The following ADGRB3 variants were observed in gnomAD, a reference collection of about 807,000 sequenced individuals.
The protein encoded by ADGRB3 is brain-specific angiogenesis inhibitor 3.
Under a neutral mutation model 193.4 loss-of-function variants are expected in ADGRB3, and 37 were observed. The ratio of observed to expected loss-of-function variants is 0.19; its 90% CI spans 0.15 to 0.25. ADGRB3 has a LOEUF of 0.25. Ranked by LOEUF, ADGRB3 falls within the 10% of genes least tolerant of loss-of-function variation. The pLI, the probability that ADGRB3 is intolerant of heterozygous loss-of-function variation, is 1.00. For missense variants in ADGRB3, 1,637 were observed against 1,852.9 expected (o/e 0.88, Z 2.14); for synonymous variants, 690 against 644.2 (o/e 1.07, Z -1.08).
intron 17 of ADGRB3, among the ~76,000 whole-genome samples, chr6:69,116,885 A>C (rs1773546200): frequency 6.6e-6 from 1 of 152,214 alleles, no homozygotes; most frequent in Admixed American, 6.5e-5. Context: ...AGTGCCTGCC[A>C]ACGGGGACTC....
intron 17 of ADGRB3, among the ~76,000 whole-genome samples, chr6:69,114,153 TC>T (rs1031730344): frequency 2.6e-4 from 40 of 152,308 alleles, no homozygotes; most frequent in African/African-American, 9.1e-4. Flanking sequence ...CCTAAGTCCT[TC>T]ACATTTAAGC....
intron 3 of ADGRB3, among the ~76,000 whole-genome samples, chr6:68,904,882 T>G (rs1417554531): frequency 2.6e-5 from 4 of 152,208 alleles, no homozygotes; most frequent in African/African-American, 9.6e-5. Context: ...GAAGCTTTAT[T>G]ATGATTTTCA....
Position 69,332,991 on chromosome 6 carries a change from G to T in ADGRB3, c.3171G>T (p.Lys1057Asn), listed in dbSNP as rs775608160. The change falls in exon 24 of 32, where the codon AAG becomes AAT. Residue 1057 changes from lysine to asparagine, a missense_variant. Coordinates refer to ENST00000370598, the MANE Select transcript of ADGRB3 (RefSeq NM_001704.3). ...LVSRDGILDKKLKHRAGQMSE... is the reference protein window; with the variant it reads ...LVSRDGILDKNLKHRAGQMSE... ...CCAGAGATGGAATCCTAGATAAAAA[G>T]CTCAAACACAGAGCCGGGTAAGCTG... is the stretch of plus-strand genomic sequence containing the variant. The T allele has an allele frequency of 6.2e-7, 1 of 1,613,730 alleles. No individual in the cohort carries two copies. Among genetic ancestry groups the T allele is most frequent in the Admixed American group, 1.7e-5 (1 of 59,966 alleles).
chr6:68,867,730 G>A (rs1407369138), intron 3 of ADGRB3, among the ~76,000 whole-genome samples: 1 of 152,182 alleles, frequency 6.6e-6, no homozygotes, highest in Non-Finnish European at 1.5e-5. Context: ...GCCAATCTTT[G>A]TATCCGCATG....
At chr6:69,002,240 G>C (rs1198711922) in intron 11 of ADGRB3, among the ~76,000 whole-genome samples, 2 of 114,828 alleles carry the variant, frequency 1.7e-5, no homozygotes, top group African/African-American at 6.6e-5. Context: ...TTTTTTTTTT[G>C]ATGGAGTTTT....
chr6:69,046,175 C>T (rs1206168822), intron 13 of ADGRB3, among the ~76,000 whole-genome samples: 9 of 151,960 alleles, frequency 5.9e-5, no homozygotes, highest in African/African-American at 1.5e-4. Context: ...ACCTCAGGGT[C>T]GAATAATGTA....
intron 3 of ADGRB3, among the ~76,000 whole-genome samples, chr6:68,808,564 G>A (rs1180804952): frequency 6.6e-6 from 1 of 151,944 alleles, no homozygotes; most frequent in Admixed American, 6.6e-5. Flanking sequence ...GCTATGAATG[G>A]ATAAAATGGA....
chr6:68,926,702 T>G (rs993166087), intron 3 of ADGRB3, among the ~76,000 whole-genome samples: 1 of 152,190 alleles, frequency 6.6e-6, no homozygotes, highest in Admixed American at 6.5e-5. Flanking sequence ...TGTGCTTGTC[T>G]GTATGTTTAA....
At chr6:69,293,100 C>A (rs933822484) in intron 20 of ADGRB3, among the ~76,000 whole-genome samples, 1 of 152,200 alleles carries the variant, frequency 6.6e-6, no homozygotes, top group Admixed American at 6.5e-5. Flanking sequence ...CCAACATTTG[C>A]AGGCCCCAGG....
At chr6:69,083,197 G>A (rs1050651706) in intron 17 of ADGRB3, among the ~76,000 whole-genome samples, 12 of 152,212 alleles carry the variant, frequency 7.9e-5, no homozygotes, top group African/African-American at 2.7e-4. Flanking sequence ...CAGCATGCCT[G>A]TAGAGAGTGC....
intron 3 of ADGRB3, among the ~76,000 whole-genome samples, chr6:68,810,186 C>T (rs780022157): frequency 5.3e-5 from 8 of 152,142 alleles, no homozygotes; most frequent in Non-Finnish European, 1.0e-4. Context: ...AGCTACTTTA[C>T]TCCTGGTATT....
chr6:68,861,569 AAAAT>A (rs988376729), intron 3 of ADGRB3, among the ~76,000 whole-genome samples: 3 of 152,072 alleles, frequency 2.0e-5, no homozygotes, highest in South Asian at 2.1e-4. Context: ...CTCCAAAAAA[AAAAT>A]AAATAAATAA....
intron 17 of ADGRB3, among the ~76,000 whole-genome samples, chr6:69,178,255 T>C (rs937580570): frequency 5.9e-5 from 9 of 152,208 alleles, no homozygotes; most frequent in Admixed American, 1.3e-4. Flanking sequence ...TAGTGACCCC[T>C]GCTTCTTCTT....
At chr6:69,350,637 C>A (rs1769202061) in intron 26 of ADGRB3, among the ~76,000 whole-genome samples, 1 of 151,742 alleles carries the variant, frequency 6.6e-6, no homozygotes, top group African/African-American at 2.4e-5. Context: ...TTAGTTGTTA[C>A]CTAAAATAAG....
chr6:69,028,709 C>G (rs1367809186), intron 13 of ADGRB3, among the ~76,000 whole-genome samples: 1 of 152,162 alleles, frequency 6.6e-6, no homozygotes. Context: ...TGTCAATACT[C>G]TTTCTTGTTG....
In ADGRB3 at chr6:68,892,183, G is replaced by C. The variant is rs1176976612; in HGVS notation, c.758-38376G>C. ...AATCAATTTTCCACTCAGCCATCAA[G>C]TGTCATCTCTAAACTATAGTTTGGA... On this transcript the variant is annotated intron_variant, in intron 3 of 31. Transcript: ENST00000370598. Among the ~76,000 whole-genome samples the C allele has an allele frequency of 2.7e-5, 4 of 148,982 alleles. No individual in the cohort carries two copies. In the East Asian group the frequency reaches 8.4e-4, roughly 31 times the overall value.
intron 3 of ADGRB3, among the ~76,000 whole-genome samples, chr6:68,716,989 C>T (rs1765499788): frequency 6.6e-6 from 1 of 151,584 alleles, no homozygotes; most frequent in Non-Finnish European, 1.5e-5. Flanking sequence ...TGTGATAAAG[C>T]CGGCTTTCTT....
At chr6:68,740,589 A>C (rs1765960254) in intron 3 of ADGRB3, among the ~76,000 whole-genome samples, 2 of 152,330 alleles carry the variant, frequency 1.3e-5, no homozygotes, top group East Asian at 3.9e-4. Context: ...GCTACTAAGA[A>C]TGAAGCATAT....
intron 3 of ADGRB3, among the ~76,000 whole-genome samples, chr6:68,737,025 G>A (rs1239213742): frequency 2.0e-5 from 3 of 151,924 alleles, no homozygotes; most frequent in Non-Finnish European, 4.4e-5. Context: ...ATTACTTACG[G>A]CTATGTTTTA....
Sources: gnomAD v4.1 joint callset for allele counts (sites outside exome capture counted in the v4.1 genomes callset) on GRCh38, gnomAD v4.1.1 for gene constraint, MANE v1.5 for transcripts, NCBI Gene and HGNC (gene_info 2026-07-23, HGNC 2026-07-21) for gene names.